The following RORA variants were observed in gnomAD, a reference collection of about 807,000 sequenced individuals.
RORA encodes RAR related orphan receptor A.
In RORA, 7 loss-of-function variants were observed where a neutral mutation model predicts 69.5. The ratio of observed to expected loss-of-function variants is 0.10; its 90% CI spans 0.06 to 0.19. The LOEUF is 0.19. Among genes scored for constraint, RORA ranks in the 10% least tolerant of loss-of-function variants. The pLI, the probability that RORA is intolerant of heterozygous loss-of-function variation, is 1.00. For synonymous variants in RORA, 261 were observed against 240.8 expected, an observed-to-expected ratio of 1.08 and a Z score of -0.78; for missense variants, 457 against 663.0, an observed-to-expected ratio of 0.69 and a Z score of 3.41.
chr15:60,834,768 G>T (rs770884524), intron 1 of RORA, among the ~76,000 whole-genome samples: 14 of 152,178 alleles, frequency 9.2e-5, no homozygotes, highest in Non-Finnish European at 2.1e-4. Flanking sequence ...GTTCGCATCT[G>T]AGAGTGACAC....
chr15:60,644,383 C>T (rs1211309738), intron 2 of RORA, among the ~76,000 whole-genome samples: 6 of 152,148 alleles, frequency 3.9e-5, no homozygotes, highest in Admixed American at 2.6e-4. Context: ...CATTGAAAGT[C>T]GTCTCCTGTT....
intron 1 of RORA, among the ~76,000 whole-genome samples, chr15:60,964,486 G>A (rs142079883): frequency 6.6e-6 from 1 of 152,284 alleles, no homozygotes; most frequent in East Asian, 1.9e-4. Flanking sequence ...GGAGCAGAGG[G>A]GAGAGGGTCA....
At chr15:61,074,112 A>T (rs1252385788) in intron 1 of RORA, among the ~76,000 whole-genome samples, 1 of 152,206 alleles carries the variant, frequency 6.6e-6, no homozygotes, top group Non-Finnish European at 1.5e-5. Flanking sequence ...TGCTATTATC[A>T]TGAAGAGCAA....
chr15:60,568,159 G>A (rs1226171853), intron 2 of RORA, among the ~76,000 whole-genome samples: 2 of 152,208 alleles, frequency 1.3e-5, no homozygotes, highest in African/African-American at 4.8e-5. Context: ...AGGAAAATAA[G>A]CTCTGGATAG....
In RORA at chr15:61,029,611, G is replaced by C. The variant is rs911558104; in HGVS notation, c.166+199442C>G. On this transcript the variant is annotated intron_variant, in intron 1 of 10. Transcript: ENST00000335670. Reference sequence around the variant, plus strand: ...GGCAAAGGTGGAGGTAGCATGGATGGGCCGAAGTGAAGAGATTAGAAAGAT... The same window carrying C: ...GGCAAAGGTGGAGGTAGCATGGATGCGCCGAAGTGAAGAGATTAGAAAGAT... Among the ~76,000 whole-genome samples the C allele has an allele frequency of 3.3e-5, 5 of 152,264 alleles. No homozygotes were observed. The South Asian group carries it at 8.3e-4, about 25-fold the overall frequency.
chr15:61,178,637 C>T (rs926434562), intron 1 of RORA, among the ~76,000 whole-genome samples: 4 of 151,880 alleles, frequency 2.6e-5, no homozygotes, highest in Non-Finnish European at 5.9e-5. Flanking sequence ...TAAACCATCA[C>T]CCCAAGATTC....
Position 60,737,057 on chromosome 15 carries a change from T to C in RORA, c.167-58371A>G, listed in dbSNP as rs556153174. Among the ~76,000 whole-genome samples the C allele has an allele frequency of 5.7e-4, 87 of 152,286 alleles. 2 individuals are homozygous for C. Among genetic ancestry groups the C allele is most frequent in the African/African-American group, 2.0e-3 (85 of 41,562 alleles). On this transcript the variant is annotated intron_variant, in intron 1 of 10. Coordinates refer to ENST00000335670, the MANE Select transcript of RORA (RefSeq NM_134261.3). ...CAGCATCCAAGTGTACTTTCAGACCTGAACCCCTGCAGTGCCTTTATCCTG... is the reference window on the plus strand; with the variant it reads ...CAGCATCCAAGTGTACTTTCAGACCCGAACCCCTGCAGTGCCTTTATCCTG...
intron 1 of RORA, among the ~76,000 whole-genome samples, chr15:60,760,318 A>G (rs1003018052): frequency 3.9e-5 from 6 of 152,200 alleles, no homozygotes; most frequent in African/African-American, 1.4e-4. Flanking sequence ...CGAAGGGAGC[A>G]TTGGTATGGG....
At chr15:61,196,026 C>T (rs2079842706) in intron 1 of RORA, 1 of 152,166 alleles carries the variant, frequency 6.6e-6, no homozygotes, top group Admixed American at 6.5e-5. Flanking sequence ...GAAATTGAGC[C>T]TTAAAGAGAC....
At chr15:61,021,128 T>C (rs972760313) in intron 1 of RORA, among the ~76,000 whole-genome samples, 1 of 152,158 alleles carries the variant, frequency 6.6e-6, no homozygotes, top group Non-Finnish European at 1.5e-5. Flanking sequence ...AGTTCACACC[T>C]GTGTTCCAAC....
At position 60,494,713 on chromosome 15, in the gene RORA, C is replaced by G. The variant is rs1383026012; in HGVS notation, c.*2742G>C. On this transcript the variant is annotated 3_prime_UTR_variant, in exon 11 of 11. Transcript: ENST00000335670. ...ATTATGTCAATCAGTGGACTTGGCT[C>G]TTAAGCTCCACCGCTGCTTTTCTTT... The G allele has an allele frequency of 4.6e-5, 7 of 152,136 alleles. No homozygotes were observed. Among genetic ancestry groups the G allele is most frequent in the Non-Finnish European group, 1.0e-4 (7 of 68,006 alleles). The allele number at this position is 152,136 out of a possible 1,614,324, so 9.4% of individuals were successfully genotyped here.
At chr15:60,757,359 G>A (rs1456177886) in intron 1 of RORA, among the ~76,000 whole-genome samples, 1 of 152,064 alleles carries the variant, frequency 6.6e-6, no homozygotes, top group Non-Finnish European at 1.5e-5. Flanking sequence ...GCTATACACA[G>A]GTTCAGGAAA....
At chr15:61,174,749 CG>C (rs1211285037) in intron 1 of RORA, among the ~76,000 whole-genome samples, 2 of 152,258 alleles carry the variant, frequency 1.3e-5, no homozygotes, top group Non-Finnish European at 1.5e-5. Context: ...GCATCTGTTC[CG>C]TAGGGAAAGA....
intron 2 of RORA, among the ~76,000 whole-genome samples, chr15:60,615,974 G>A (rs1456212443): frequency 1.3e-5 from 2 of 152,164 alleles, no homozygotes; most frequent in Admixed American, 6.5e-5. Context: ...CATTTGGGGG[G>A]TGCTGAATTT....
chr15:61,064,222 G>A (rs976969759), intron 1 of RORA, among the ~76,000 whole-genome samples: 4 of 152,176 alleles, frequency 2.6e-5, no homozygotes, highest in Non-Finnish European at 2.9e-5. Flanking sequence ...ATTTTGAAGG[G>A]AAAGACACCA....
chr15:61,153,422 G>A (rs145913201), intron 1 of RORA, among the ~76,000 whole-genome samples: 6 of 152,252 alleles, frequency 3.9e-5, no homozygotes, highest in African/African-American at 7.2e-5. Context: ...AGTGTGAATG[G>A]CACAGGCTGG....
chr15:60,501,790 G>C (rs1453940571), intron 8 of RORA, among the ~76,000 whole-genome samples: 5 of 152,150 alleles, frequency 3.3e-5, no homozygotes, highest in Non-Finnish European at 7.3e-5. Flanking sequence ...GACTGGTTAA[G>C]TTTGGTGTCT....
intron 1 of RORA, among the ~76,000 whole-genome samples, chr15:61,135,258 G>T (rs2079226308): frequency 6.6e-6 from 1 of 151,756 alleles, no homozygotes; most frequent in South Asian, 2.1e-4. Flanking sequence ...TTGAACACAG[G>T]AGGTGGAGGC....
intron 1 of RORA, among the ~76,000 whole-genome samples, chr15:61,067,473 C>T (rs951262634): frequency 2.0e-5 from 3 of 152,052 alleles, no homozygotes; most frequent in East Asian, 1.9e-4. Flanking sequence ...ATGATGTTGT[C>T]GACAACGAGG....
Sources: gnomAD v4.1 joint callset for allele counts (sites outside exome capture counted in the v4.1 genomes callset) on GRCh38, gnomAD v4.1.1 for gene constraint, MANE v1.5 for transcripts, NCBI Gene and HGNC (gene_info 2026-07-23, HGNC 2026-07-21) for gene names.